Variants in MSRA observed in about 807,000 individuals in gnomAD.
The protein encoded by MSRA is methionine sulfoxide reductase A, also known as mitochondrial peptide methionine sulfoxide reductase.
Under a neutral mutation model 31.3 loss-of-function variants are expected in MSRA, and 54 were observed. The observed-to-expected ratio is 1.73, with a 90% CI of 1.39 to 2.17. MSRA has a LOEUF of 2.17. Among genes scored for constraint, MSRA ranks in the 30% most tolerant of loss-of-function variants. The probability of loss-of-function intolerance (pLI) is 0.00; values close to 1 mark genes in which losing one functional copy is unlikely to be tolerated. For missense variants in MSRA, 507 were observed against 300.9 expected (o/e 1.69, Z -5.07); for synonymous variants, 169 against 116.5 (o/e 1.45, Z -2.90).
intron 3 of MSRA, among the ~76,000 whole-genome samples, chr8:10,264,158 C>A (rs35524676): frequency 0.2 from 30,855 of 152,154 alleles, 3,798 homozygotes; most frequent in Non-Finnish European, 0.28. Context: ...TTGTAGAAGC[C>A]AGTCTTTTTG....
intron 5 of MSRA, among the ~76,000 whole-genome samples, chr8:10,385,440 G>A (rs770013704): frequency 9.9e-5 from 15 of 152,210 alleles, no homozygotes; most frequent in Non-Finnish European, 1.6e-4. Flanking sequence ...TCAGAATGAC[G>A]GGTGGTACAT....
intron 1 of MSRA, among the ~76,000 whole-genome samples, chr8:10,082,785 C>A (rs1798360088): frequency 6.6e-6 from 1 of 152,194 alleles, no homozygotes. Flanking sequence ...TTTTATTCCA[C>A]CCGCTCCTCG....
At chr8:10,397,620 C>T (rs1285835277) in intron 5 of MSRA, among the ~76,000 whole-genome samples, 1 of 152,184 alleles carries the variant, frequency 6.6e-6, no homozygotes, top group Non-Finnish European at 1.5e-5. Context: ...GAGGGCCTGG[C>T]ACCTAACAGG....
intron 5 of MSRA, among the ~76,000 whole-genome samples, chr8:10,385,816 GT>G (rs1806356439): frequency 6.7e-6 from 1 of 148,166 alleles, no homozygotes; most frequent in African/African-American, 2.4e-5. Context: ...GGGGGGTGGG[GT>G]GTCTTCCTAA....
Position 10,065,652 on chromosome 8 carries a change from C to T in MSRA, c.142+10994C>T, listed in dbSNP as rs556880305. On this transcript the variant is annotated intron_variant, in intron 1 of 5. Transcript: ENST00000317173. Reference sequence around the variant, plus strand: ...AGCCTGAACTATTTTTGTTCATTAACAACCTGGCAGTTATTTTTTCAGAAT... The same window carrying T: ...AGCCTGAACTATTTTTGTTCATTAATAACCTGGCAGTTATTTTTTCAGAAT... Among the ~76,000 whole-genome samples the T allele has an allele frequency of 1.6e-4, 24 of 152,312 alleles. 1 individual carries two copies. Among genetic ancestry groups the T allele is most frequent in the Admixed American group, 1.2e-3 (18 of 15,300 alleles).
chr8:10,161,979 T>G (rs1434913329), intron 1 of MSRA, among the ~76,000 whole-genome samples: 6 of 152,212 alleles, frequency 3.9e-5, no homozygotes, highest in African/African-American at 1.4e-4. Context: ...CATGGTCCTG[T>G]GCGGATCCCA....
At chr8:10,127,140 C>T (rs186400003) in intron 1 of MSRA, among the ~76,000 whole-genome samples, 2 of 152,312 alleles carry the variant, frequency 1.3e-5, no homozygotes, top group African/African-American at 4.8e-5. Context: ...GTGCTTGGTC[C>T]TCTCTGTAGG....
chr8:10,383,056 G>A (rs1806171393), intron 5 of MSRA, among the ~76,000 whole-genome samples: 1 of 152,236 alleles, frequency 6.6e-6, no homozygotes, highest in African/African-American at 2.4e-5. Flanking sequence ...ACAGGCATGA[G>A]AGAATGCTGT....
rs1394307543 is a variant in MSRA, at chr8:10,054,542, G to C, written c.26G>C (p.Cys9Ser). The C allele has an allele frequency of 5.0e-6, 8 of 1,586,156 alleles. No individual in the cohort carries two copies. In the African/African-American group the frequency reaches 6.9e-5, roughly 14 times the overall value. The part of the protein sequence containing the change: MLSATRRA[C>S]QLLLLHSLFP... ...ATGCTCTCGGCCACCCGGAGGGCTT[G>C]CCAGCTCCTCCTCCTCCACAGCCTC... The change falls in exon 1 of 6, where the codon TGC becomes TCC. Residue 9 changes from cysteine to serine, a missense_variant. By Grantham distance (112) the Cys-to-Ser change is moderately radical (BLOSUM62 -1). Coordinates refer to ENST00000317173, the MANE Select transcript of MSRA (RefSeq NM_012331.5).
At chr8:10,079,240 C>T (rs781690818) in intron 1 of MSRA, among the ~76,000 whole-genome samples, 3 of 152,038 alleles carry the variant, frequency 2.0e-5, no homozygotes, top group Non-Finnish European at 2.9e-5. Flanking sequence ...CTTACTGCAG[C>T]CTCGACATCC....
intron 5 of MSRA, among the ~76,000 whole-genome samples, chr8:10,409,501 C>A (rs904820330): frequency 6.6e-6 from 1 of 152,182 alleles, no homozygotes; most frequent in Non-Finnish European, 1.5e-5. Flanking sequence ...GTCAGACTGC[C>A]TGGGTTGAAA....
Position 10,253,288 on chromosome 8 carries a change from T to G in MSRA, c.331+8065T>G, listed in dbSNP as rs889334124. Among the ~76,000 whole-genome samples the G allele has an allele frequency of 4.6e-5, 7 of 152,218 alleles. 1 individual carries two copies. Among genetic ancestry groups the G allele is most frequent in the Non-Finnish European group, 1.5e-5 (1 of 68,032 alleles). On this transcript the variant is annotated intron_variant, in intron 3 of 5. Transcript: ENST00000317173. ...GATGGTTTATGGACTCTCTAAAGAC[T>G]ATTGCATGTGCTACGTGTTCTTCAT...
intron 3 of MSRA, among the ~76,000 whole-genome samples, chr8:10,248,561 A>G (rs1372385426): frequency 6.6e-6 from 1 of 152,098 alleles, no homozygotes; most frequent in Non-Finnish European, 1.5e-5. Context: ...AACAGGGGAG[A>G]AGTGAGCGAG....
At chr8:10,069,179 C>G (rs528980684) in intron 1 of MSRA, among the ~76,000 whole-genome samples, 1 of 152,184 alleles carries the variant, frequency 6.6e-6, no homozygotes, top group Non-Finnish European at 1.5e-5. Context: ...TCTGGATTTT[C>G]TACATAGACA....
rs139055916 is a variant in MSRA at position 10,167,199 on chromosome 8, C to G, written c.143-40634C>G. ...AACAAGTGAGCTTGACTAACGTGGCCGGGCTCCCACTGCAGCTGAGTTCTG... is the reference window on the plus strand; with the variant it reads ...AACAAGTGAGCTTGACTAACGTGGCGGGGCTCCCACTGCAGCTGAGTTCTG... On this transcript the variant is annotated intron_variant, in intron 1 of 5. Transcript: ENST00000317173. Among the ~76,000 whole-genome samples the G allele has an allele frequency of 2.0e-4, 30 of 152,272 alleles. 1 individual carries two copies. The East Asian group carries it at 5.8e-3, about 29-fold the overall frequency.
intron 5 of MSRA, among the ~76,000 whole-genome samples, chr8:10,351,335 C>T (rs1279605676): frequency 2.9e-5 from 4 of 140,094 alleles, no homozygotes; most frequent in Non-Finnish European, 6.0e-5. Context: ...CTCACTGCAA[C>T]CTCTGCCTCT....
intron 1 of MSRA, among the ~76,000 whole-genome samples, chr8:10,112,354 T>A (rs1237419306): frequency 6.6e-6 from 1 of 152,216 alleles, no homozygotes; most frequent in Admixed American, 6.5e-5. Flanking sequence ...TAAAAGCTGT[T>A]GGTAAATGAG....
At chr8:10,123,539 A>T (rs1040739464) in intron 1 of MSRA, among the ~76,000 whole-genome samples, 1 of 151,858 alleles carries the variant, frequency 6.6e-6, no homozygotes, top group Non-Finnish European at 1.5e-5. Flanking sequence ...CCATTTGTCA[A>T]TTTTTTTCTT....
intron 1 of MSRA, among the ~76,000 whole-genome samples, chr8:10,082,158 T>C (rs1358342607): frequency 6.6e-6 from 1 of 152,128 alleles, no homozygotes; most frequent in Non-Finnish European, 1.5e-5. Context: ...TGAGCTGTGA[T>C]GGTGCCACTA....
Sources: gnomAD v4.1 joint callset for allele counts (sites outside exome capture counted in the v4.1 genomes callset) on GRCh38, gnomAD v4.1.1 for gene constraint, MANE v1.5 for transcripts, NCBI Gene and HGNC (gene_info 2026-07-23, HGNC 2026-07-21) for gene names.